GTF2H1: variants seen among roughly 807,000 people sequenced by gnomAD.
GTF2H1 encodes the protein general transcription factor IIH subunit 1.
A neutral mutation model predicts 71.2 loss-of-function variants in GTF2H1; 16 were observed. That is an observed-to-expected ratio of 0.22 (90% CI 0.15 to 0.34). The LOEUF (loss-of-function observed/expected upper bound fraction) is 0.34. GTF2H1 is among the 10% of genes least tolerant of loss of function. GTF2H1 has a pLI of 1.00. For synonymous variants in GTF2H1, 215 were observed against 219.0 expected, an observed-to-expected ratio of 0.98 and a Z score of 0.16; for missense variants, 498 against 648.2, an observed-to-expected ratio of 0.77 and a Z score of 2.52.
intron 2 of GTF2H1, among the ~76,000 whole-genome samples, chr11:18,335,124 A>G (rs1032808758): frequency 1.3e-5 from 2 of 152,206 alleles, no homozygotes; most frequent in African/African-American, 4.8e-5. Context: ...TTTATAAGCT[A>G]AAAGTCAGAT....
In GTF2H1 at chr11:18,338,247, G is replaced by A; in HGVS notation, c.486G>A (p.Gln162=). The change falls in exon 4 of 15, where the codon CAG becomes CAA. Residue 162 remains glutamine (Q), a synonymous_variant. Coordinates refer to ENST00000265963, the MANE Select transcript of GTF2H1 (RefSeq NM_005316.4). ...TDSSSTSNHK[Q]DVGISAAFLA... ...GTTCTTCCACATCCAATCATAAGCA[G>A]GATGTTGGCATTTCTGCTGCATTTC... The A allele has an allele frequency of 6.2e-7, 1 of 1,612,052 alleles. No individual in the cohort carries two copies. Among genetic ancestry groups the A allele is most frequent in the Non-Finnish European group, 8.5e-7 (1 of 1,178,212 alleles).
intron 13 of GTF2H1, among the ~76,000 whole-genome samples, chr11:18,359,419 C>G (rs1414728884): frequency 6.6e-6 from 1 of 152,054 alleles, no homozygotes; most frequent in Non-Finnish European, 1.5e-5. Context: ...TTTTTTTCAC[C>G]TACTAATTTG....
intron 11 of GTF2H1, among the ~76,000 whole-genome samples, chr11:18,357,497 G>A (rs1211514948): frequency 6.6e-6 from 1 of 152,148 alleles, no homozygotes; most frequent in Non-Finnish European, 1.5e-5. Flanking sequence ...GAGGAGGATT[G>A]CTTGAGCCCA....
chr11:18,343,402 C>T (rs1179509370), intron 7 of GTF2H1, among the ~76,000 whole-genome samples: 1 of 152,106 alleles, frequency 6.6e-6, no homozygotes, highest in African/African-American at 2.4e-5. Flanking sequence ...GGTATATCAA[C>T]ATTTATATAA....
intron 10 of GTF2H1, 129 bp from the exon 11 acceptor site, chr11:18,352,200 T>C (rs1590195042): frequency 1.5e-6 from 1 of 647,964 alleles, no homozygotes; most frequent in Middle Eastern, 3.8e-4. Flanking sequence ...AATTATTTTA[T>C]TGAAATCTCT....
In GTF2H1 at chr11:18,347,930, A is replaced by G. The variant is rs1418752505; in HGVS notation, c.1053+11A>G. 3 of 1,575,214 alleles carry G rather than the reference A, an allele frequency of 1.9e-6. No homozygotes were observed. Among genetic ancestry groups the G allele is most frequent in the Non-Finnish European group, 2.6e-6 (3 of 1,144,550 alleles). On this transcript the variant is annotated intron_variant, in intron 9 of 14. Transcript: ENST00000265963. ...CCAGCAGTCAAAAGGGTATGGGCAA[A>G]AAAATATGAACCATTTGGGGCTCAA...
chr11:18,352,532 A>G, intron 11 of GTF2H1, 86 bp downstream of exon 11: 1 of 615,016 alleles, frequency 1.6e-6, no homozygotes, highest in South Asian at 2.3e-5. Context: ...CCATACAACT[A>G]ATATTTTAAT....
intron 11 of GTF2H1, among the ~76,000 whole-genome samples, chr11:18,352,691 C>CT (rs1158020227): frequency 6.6e-6 from 1 of 152,138 alleles, no homozygotes; most frequent in South Asian, 2.1e-4. Context: ...CTTCCATATA[C>CT]TTTTATTGGG....
chr11:18,327,597 T>G (rs1006142412), intron 1 of GTF2H1, among the ~76,000 whole-genome samples: 1 of 152,170 alleles, frequency 6.6e-6, no homozygotes, highest in Non-Finnish European at 1.5e-5. Flanking sequence ...GACACATTAT[T>G]AAGCATTCAG....
intron 14 of GTF2H1, among the ~76,000 whole-genome samples, chr11:18,364,491 G>A (rs1865776007): frequency 6.6e-6 from 1 of 152,120 alleles, no homozygotes; most frequent in Admixed American, 6.5e-5. Flanking sequence ...TGAGGCAGGA[G>A]GATCACTTGA....
chr11:18,352,405 ATT>A lies in GTF2H1; in HGVS notation c.1220_1221del (p.Ile407LysfsTer18). 6.4e-7 allele frequency: 1 copy of A among 1,568,488 alleles called. No individual in the cohort carries two copies. Among genetic ancestry groups the A allele is most frequent in the Non-Finnish European group, 8.8e-7 (1 of 1,138,662 alleles). On this transcript the variant is annotated frameshift_variant, in exon 11 of 15. Transcript: ENST00000265963. LOFTEE classifies it high-confidence loss of function. ...GGACATTATTAATTCTTTTCAAAGT[ATT>A]AGACAAGAAATGGAAGCTTATACAC... ...SQDIINSFQS[I>X]RQEMEAYTPK... is the part of the protein sequence containing the mutation.
At chr11:18,352,164 C>T (rs1865443039) in intron 10 of GTF2H1, 165 bp from the exon 11 acceptor site, 1 of 629,864 alleles carries the variant, frequency 1.6e-6, no homozygotes. Context: ...TCTGCTGTTG[C>T]TTTCTTATTG....
intron 14 of GTF2H1, among the ~76,000 whole-genome samples, chr11:18,363,260 A>T (rs78825777): frequency 0.027 from 4,088 of 152,318 alleles, 83 homozygotes; most frequent in African/African-American, 0.053. Context: ...TAATGATTTT[A>T]AAATACAGTA....
intron 14 of GTF2H1, among the ~76,000 whole-genome samples, chr11:18,363,548 T>C (rs1359480002): frequency 6.6e-6 from 1 of 152,184 alleles, no homozygotes; most frequent in Non-Finnish European, 1.5e-5. Flanking sequence ...ATTCAATAAG[T>C]AGGATAAATA....
chr11:18,364,953 G>A (rs1049066803), intron 14 of GTF2H1, among the ~76,000 whole-genome samples: 14 of 151,872 alleles, frequency 9.2e-5, no homozygotes, highest in Non-Finnish European at 1.8e-4. Context: ...TACGGGGCTG[G>A]GCACAGCAGC....
intron 11 of GTF2H1, among the ~76,000 whole-genome samples, chr11:18,354,020 G>GA (rs1262498984): frequency 1.3e-5 from 2 of 152,188 alleles, no homozygotes; most frequent in Non-Finnish European, 2.9e-5. Flanking sequence ...CTGGGTTTAT[G>GA]AGTTGTATTT....
At chr11:18,358,674 G>A (rs973123935) in intron 13 of GTF2H1, 34 bp downstream of exon 13, 3 of 1,281,054 alleles carry the variant, frequency 2.3e-6, no homozygotes, top group Non-Finnish European at 3.4e-6. Context: ...CCAGATAATT[G>A]TGGTAGTGAC....
chr11:18,331,293 T>C (rs1864889533), intron 1 of GTF2H1, among the ~76,000 whole-genome samples: 1 of 152,108 alleles, frequency 6.6e-6, no homozygotes, highest in East Asian at 1.9e-4. Flanking sequence ...TGAGCTCAAG[T>C]GATCCACCTG....
At chr11:18,358,091 A>G (rs1273483512) in intron 12 of GTF2H1, 49 bp downstream of exon 12, 2 of 1,275,018 alleles carry the variant, frequency 1.6e-6, no homozygotes, top group Non-Finnish European at 2.3e-6. Context: ...TCAGCTTTAA[A>G]AAGCAAGCTG....
Sources: allele counts gnomAD v4.1 joint callset (sites outside exome capture counted in the v4.1 genomes callset), GRCh38; gene constraint gnomAD v4.1.1; transcripts MANE v1.5; gene names NCBI Gene and HGNC (gene_info 2026-07-23, HGNC 2026-07-21).